Variants in LETM2 observed in about 807,000 individuals in gnomAD.
LETM2 encodes the protein LETM1 domain-containing protein LETM2, mitochondrial.
LETM2 carries 58 observed loss-of-function variants against 59.6 expected under a neutral mutation model. That is an observed-to-expected ratio of 0.97 (90% CI 0.79 to 1.21). LETM2 has a LOEUF of 1.21. Among genes scored for constraint, LETM2 ranks in the 50% most tolerant of loss-of-function variants. The probability of loss-of-function intolerance (pLI) is 0.00; values close to 1 mark genes in which losing one functional copy is unlikely to be tolerated. For synonymous variants in LETM2, 199 were observed against 214.1 expected, an observed-to-expected ratio of 0.93 and a Z score of 0.62; for missense variants, 572 against 575.7, an observed-to-expected ratio of 0.99 and a Z score of 0.07.
intron 2 of LETM2, among the ~76,000 whole-genome samples, chr8:38,389,976 G>A (rs1416919591): frequency 7.2e-6 from 1 of 138,286 alleles, no homozygotes; most frequent in Non-Finnish European, 1.5e-5. Flanking sequence ...TCCAGTCTGG[G>A]CAACAGAGTG....
chr8:38,401,523 C>G, intron 6 of LETM2: 1 of 173,224 alleles, frequency 5.8e-6, no homozygotes, highest in Non-Finnish European at 1.3e-5. Flanking sequence ...ACAACCTGAA[C>G]CTTGATTACT....
At chr8:38,400,831 G>C in intron 5 of LETM2, 22 bp from the exon 6 acceptor site, 1 of 1,595,764 alleles carries the variant, frequency 6.3e-7, no homozygotes, top group African/African-American at 1.3e-5. Flanking sequence ...ATTTTAATTG[G>C]CCTTTTTGTC....
intron 2 of LETM2, among the ~76,000 whole-genome samples, chr8:38,391,300 G>GTTTTTTTTTTTTTTTTTTTTTTTTGT (rs761566202): frequency 2.7e-5 from 3 of 109,164 alleles, no homozygotes; most frequent in Non-Finnish European, 3.8e-5. Context: ...TTTTATTTTA[G>GTTTTTTTTTTTTTTTTTTTTTTTTGT]TTTTTTTTTT....
intron 4 of LETM2, among the ~76,000 whole-genome samples, chr8:38,395,071 T>G (rs939628511): frequency 6.6e-6 from 1 of 152,206 alleles, no homozygotes; most frequent in Non-Finnish European, 1.5e-5. Flanking sequence ...TTTTTATCAC[T>G]GAGTGATAGT....
intron 8 of LETM2, 168 bp from the exon 9 acceptor site, chr8:38,406,778 C>T (rs987138303): frequency 2.9e-5 from 15 of 519,452 alleles, no homozygotes; most frequent in Non-Finnish European, 4.8e-5. Context: ...TAAGTTGCTA[C>T]ATCAGGGGCA....
At chr8:38,407,236 C>G in intron 9 of LETM2, 126 bp from the exon 10 acceptor site, 2 of 857,388 alleles carry the variant, frequency 2.3e-6, no homozygotes, top group Non-Finnish European at 3.7e-6. Flanking sequence ...CAGATTTTGC[C>G]TTTTGAATCC....
chr8:38,390,277 G>A (rs1296644019), intron 2 of LETM2, among the ~76,000 whole-genome samples: 2 of 151,778 alleles, frequency 1.3e-5, no homozygotes, highest in East Asian at 3.9e-4. Context: ...TAGCCCAGGG[G>A]TTTGAGGCCA....
intron 9 of LETM2, 49 bp from the exon 10 acceptor site, chr8:38,407,313 C>G (rs369997964): frequency 7.6e-7 from 1 of 1,315,490 alleles, no homozygotes; most frequent in Non-Finnish European, 1.1e-6. Context: ...TAGATTAATA[C>G]ACATTTTCTT....
chr8:38,407,250 G>T, intron 9 of LETM2, 112 bp from the exon 10 acceptor site: 1 of 910,300 alleles, frequency 1.1e-6, no homozygotes. Context: ...TGAATCCTGT[G>T]CCAGGATATG....
At chr8:38,388,280 A>G (rs886982885) in intron 2 of LETM2, among the ~76,000 whole-genome samples, 5 of 151,548 alleles carry the variant, frequency 3.3e-5, no homozygotes, top group Non-Finnish European at 7.4e-5. Flanking sequence ...AGGTTTCACC[A>G]TGTTGGCCAG....
chr8:38,409,296 A>C lies in LETM2; in HGVS notation c.*1022A>C, dbSNP rs773016760. ...AGACAGCAGTCAGTTAAAACAAGTA[A>C]AACTCCACTGTCCTGTCTGGGATCA... On this transcript the variant is annotated 3_prime_UTR_variant, in exon 11 of 11. Transcript: ENST00000379957. 6.6e-6 allele frequency: 1 copy of C among 152,184 alleles called. No individual in the cohort carries two copies. The highest frequency in any genetic ancestry group is 1.5e-5 in the Non-Finnish European group (1 of 68,040). The allele number at this position is 152,184 out of a possible 1,614,324, so 9.4% of individuals were successfully genotyped here. A position where few individuals can be genotyped will look rare whatever the true frequency, so the allele number is the denominator to read the frequency against.
chr8:38,392,564 C>A lies in LETM2; in HGVS notation c.70C>A (p.Pro24Thr), dbSNP rs1812378148. The A allele has an allele frequency of 1.9e-6, 3 of 1,610,608 alleles. No homozygotes were observed. Among genetic ancestry groups the A allele is most frequent in the Non-Finnish European group, 2.5e-6 (3 of 1,179,202 alleles). ...CAGATTCCCTAGCCATTTTGTCCAT[C>A]CTACCTGCTCTTCTTATTCCCCATC... ...RTRFPSHFVH[P>T]TCSSYSPSCA... Residue 24 changes from proline (P) to threonine (T), a missense_variant, in exon 3 of 11, where the codon CCT (proline) becomes ACT (threonine). Coordinates refer to ENST00000379957, the MANE Select transcript of LETM2 (RefSeq NM_001286819.2).
At chr8:38,390,082 G>A (rs1020958414) in intron 2 of LETM2, among the ~76,000 whole-genome samples, 10 of 151,910 alleles carry the variant, frequency 6.6e-5, no homozygotes, top group South Asian at 6.2e-4. Context: ...CTAGCTGGGC[G>A]TGGTGGTGCG....
At chr8:38,387,855 C>T in intron 1 of LETM2, 95 bp from the exon 2 acceptor site, 1 of 613,396 alleles carries the variant, frequency 1.6e-6, no homozygotes, top group Non-Finnish European at 2.9e-6. Context: ...TGCAAATGTT[C>T]TACCTTTGCA....
Position 38,392,730 on chromosome 8 carries a change from C to T in LETM2, c.236C>T (p.Thr79Ile), listed in dbSNP as rs1020894480. ...PGTRLIQKLH[T>I]STCWLQEVPG... ...ACTAGACTAATACAAAAGCTACACA[C>T]ATCCACTTGCTGGCTGCAAGAAGTT... is the stretch of plus-strand genomic sequence containing the variant. Residue 79 changes from threonine (T) to isoleucine (I), a missense_variant, in exon 3 of 11, where the codon ACA becomes ATA. Physicochemically the swap from Thr to Ile is moderately conservative, Grantham distance 89. Transcript: ENST00000379957. 1 of 1,614,188 alleles carries T rather than the reference C, an allele frequency of 6.2e-7. No individual in the cohort carries two copies.
intron 2 of LETM2, among the ~76,000 whole-genome samples, chr8:38,392,182 A>AG (rs1439186296): frequency 6.6e-6 from 1 of 151,842 alleles, no homozygotes; most frequent in African/African-American, 2.4e-5. Flanking sequence ...TCCAGTACTT[A>AG]GGGAGGCCAA....
chr8:38,383,786 C>T (rs1811668040), upstream of LETM2, among the ~76,000 whole-genome samples: 1 of 151,778 alleles, frequency 6.6e-6, no homozygotes, highest in Non-Finnish European at 1.5e-5. Context: ...AAAAATTAGC[C>T]GGGCGTGGTG....
intron 2 of LETM2, among the ~76,000 whole-genome samples, chr8:38,389,142 A>G (rs1812009645): frequency 6.6e-6 from 1 of 152,238 alleles, no homozygotes; most frequent in South Asian, 2.1e-4. Flanking sequence ...TAAAGCGAGT[A>G]AAATGGCTGA....
At chr8:38,400,641 CAG>C in intron 5 of LETM2, 2 of 656,282 alleles carry the variant, frequency 3.0e-6, no homozygotes, top group East Asian at 5.5e-5. Context: ...TTGGAGAGAA[CAG>C]TAGATTTAGA....
Sources: allele counts gnomAD v4.1 joint callset (sites outside exome capture counted in the v4.1 genomes callset), GRCh38; gene constraint gnomAD v4.1.1; transcripts MANE v1.5; gene names NCBI Gene and HGNC (gene_info 2026-07-23, HGNC 2026-07-21).